The following GLI2 variants were observed in gnomAD, a reference collection of about 807,000 sequenced individuals.
GLI2 encodes the protein GLI family zinc finger 2, also known as transcription activator GLI2.
In GLI2, 22 loss-of-function variants were observed where a neutral mutation model predicts 78.9. The observed-to-expected ratio is 0.28, with a 90% CI of 0.20 to 0.40. GLI2 has a LOEUF of 0.40. GLI2 is among the 10% of genes least tolerant of loss of function. The pLI, the probability that GLI2 is intolerant of heterozygous loss-of-function variation, is 1.00. For missense variants in GLI2, 2,097 were observed against 2,213.2 expected (o/e 0.95, Z 1.05); for synonymous variants, 974 against 963.7 (o/e 1.01, Z -0.20).
chr2:120,778,012 G>A lies in GLI2; in HGVS notation c.-30-19279G>A, dbSNP rs553329086. ...CCGGCTAGGCCCAGCTGTGTTGGTG[G>A]CATCAAACACGGGGTTGGCAGCGTG... is the stretch of plus-strand genomic sequence containing the variant. On this transcript the variant is annotated intron_variant, in intron 1 of 13. Transcript: ENST00000361492. Among the ~76,000 whole-genome samples, 24 of 152,238 alleles carry A rather than the reference G, an allele frequency of 1.6e-4. 1 individual carries two copies. In the South Asian group the frequency reaches 3.9e-3, roughly 25 times the overall value.
At chr2:120,883,838 A>G (rs1039499224) in intron 2 of GLI2, among the ~76,000 whole-genome samples, 1 of 152,072 alleles carries the variant, frequency 6.6e-6, no homozygotes, top group Admixed American at 6.5e-5. Flanking sequence ...GGAGAGTCGG[A>G]GAGGTAGAAG....
At chr2:120,841,882 T>A (rs1686896413) in intron 2 of GLI2, among the ~76,000 whole-genome samples, 1 of 151,666 alleles carries the variant, frequency 6.6e-6, no homozygotes, top group South Asian at 2.1e-4. Flanking sequence ...TGTGTGTGTG[T>A]GTGTGTGATG....
At chr2:120,895,689 C>T (rs538865500) in intron 2 of GLI2, among the ~76,000 whole-genome samples, 9 of 152,046 alleles carry the variant, frequency 5.9e-5, no homozygotes, top group Admixed American at 2.0e-4. Flanking sequence ...GGTGACAGAG[C>T]GAGACTCCGT....
intron 10 of GLI2, among the ~76,000 whole-genome samples, chr2:120,980,984 G>A (rs1682693776): frequency 6.6e-6 from 1 of 151,858 alleles, no homozygotes; most frequent in Admixed American, 6.6e-5. Flanking sequence ...AGGTTCAAGC[G>A]ACTCTCCTGC....
chr2:120,888,907 G>A (rs1378800647), intron 2 of GLI2, among the ~76,000 whole-genome samples: 1 of 152,168 alleles, frequency 6.6e-6, no homozygotes, highest in African/African-American at 2.4e-5. Flanking sequence ...AGTTCTCCAT[G>A]TTGATGGCTA....
chr2:120,736,996 CT>C (rs1347399004), intron 1 of GLI2, among the ~76,000 whole-genome samples: 1 of 152,060 alleles, frequency 6.6e-6, no homozygotes, highest in Non-Finnish European at 1.5e-5. Context: ...TTCCACCTCA[CT>C]TTCATCCCTG....
At chr2:120,740,706 A>G (rs980425807) in intron 1 of GLI2, among the ~76,000 whole-genome samples, 1 of 152,234 alleles carries the variant, frequency 6.6e-6, no homozygotes, top group African/African-American at 2.4e-5. Context: ...ACTTTTGTCA[A>G]GGTTTATTGA....
In GLI2 at chr2:120,822,168, G is replaced by T. The variant is rs1685809426; in HGVS notation, c.148+24700G>T. On this transcript the variant is annotated intron_variant, in intron 2 of 13. Coordinates refer to ENST00000361492, the MANE Select transcript of GLI2 (RefSeq NM_001374353.1). ...TTGTCTGTGCAGCATCCTTTCGGGT[G>T]CAAGGATTGTTACAAGGGTTGAGTG... Among the ~76,000 whole-genome samples, 8 of 152,258 alleles carry T rather than the reference G, an allele frequency of 5.3e-5. No individual in the cohort carries two copies. In the South Asian group the frequency reaches 1.7e-3, roughly 31 times the overall value.
intron 2 of GLI2, among the ~76,000 whole-genome samples, chr2:120,871,209 C>G (rs1258486086): frequency 6.6e-6 from 1 of 152,222 alleles, no homozygotes; most frequent in Non-Finnish European, 1.5e-5. Flanking sequence ...GGCCTGTGCT[C>G]CCAGAGCCCC....
intron 3 of GLI2, among the ~76,000 whole-genome samples, chr2:120,929,205 G>A (rs1679833519): frequency 6.6e-6 from 1 of 152,180 alleles, no homozygotes; most frequent in South Asian, 2.1e-4. Context: ...TCCTTTGCAG[G>A]CATCCTGTCA....
At chr2:120,976,461 C>G (rs879807666) in intron 9 of GLI2, among the ~76,000 whole-genome samples, 5 of 152,236 alleles carry the variant, frequency 3.3e-5, no homozygotes, top group Non-Finnish European at 7.3e-5. Context: ...GGATCTCAAA[C>G]TTAATTTTTC....
chr2:120,822,386 G>A (rs1028069832), intron 2 of GLI2, among the ~76,000 whole-genome samples: 2 of 152,168 alleles, frequency 1.3e-5, no homozygotes, highest in Admixed American at 6.6e-5. Flanking sequence ...GAAACAGCCC[G>A]ATGGGCCCTA....
chr2:120,880,880 G>C (rs563572354), intron 2 of GLI2, among the ~76,000 whole-genome samples: 1 of 152,256 alleles, frequency 6.6e-6, no homozygotes, highest in African/African-American at 2.4e-5. Flanking sequence ...TCCCAGCATA[G>C]CATCTACCTA....
intron 2 of GLI2, among the ~76,000 whole-genome samples, chr2:120,861,433 C>A (rs1331134887): frequency 6.6e-6 from 1 of 152,186 alleles, no homozygotes; most frequent in Non-Finnish European, 1.5e-5. Context: ...CCAGGTGGAG[C>A]CTGGGAGGGG....
At chr2:120,757,743 C>T (rs1683075810) in intron 1 of GLI2, among the ~76,000 whole-genome samples, 1 of 152,248 alleles carries the variant, frequency 6.6e-6, no homozygotes, top group Admixed American at 6.5e-5. Flanking sequence ...ATCTCCTTAA[C>T]TCAGGAATCC....
chr2:120,889,694 G>A (rs1250606028), intron 2 of GLI2, among the ~76,000 whole-genome samples: 1 of 152,124 alleles, frequency 6.6e-6, no homozygotes, highest in African/African-American at 2.4e-5. Flanking sequence ...TCACAAAAGA[G>A]GATTATATAA....
chr2:120,894,977 G>A (rs1477217070), intron 2 of GLI2, among the ~76,000 whole-genome samples: 2 of 152,140 alleles, frequency 1.3e-5, no homozygotes, highest in Non-Finnish European at 2.9e-5. Context: ...GATTACAGGC[G>A]TGAGCCACTG....
intron 9 of GLI2, among the ~76,000 whole-genome samples, chr2:120,976,087 C>T (rs569860845): frequency 1.3e-5 from 2 of 152,316 alleles, no homozygotes; most frequent in Admixed American, 6.5e-5. Context: ...CCTCCCAACT[C>T]CCCAGCACAT....
At chr2:120,769,604 G>T (rs1325924825) in intron 1 of GLI2, among the ~76,000 whole-genome samples, 2 of 152,252 alleles carry the variant, frequency 1.3e-5, no homozygotes, top group Non-Finnish European at 2.9e-5. Context: ...CAAGCTCAGA[G>T]TCTTGCCCCT....
Sources: allele counts gnomAD v4.1 joint callset (sites outside exome capture counted in the v4.1 genomes callset), GRCh38; gene constraint gnomAD v4.1.1; transcripts MANE v1.5; gene names NCBI Gene and HGNC (gene_info 2026-07-23, HGNC 2026-07-21).